FAM53B: variants seen among roughly 807,000 people sequenced by gnomAD.
FAM53B encodes the protein protein FAM53B.
A neutral mutation model predicts 32.7 loss-of-function variants in FAM53B; 12 were observed. The observed-to-expected ratio is 0.37, with a 90% CI of 0.24 to 0.59. The LOEUF (loss-of-function observed/expected upper bound fraction) is 0.59, where lower values mean the gene tolerates loss of function less well. Ranked by LOEUF, FAM53B falls within the 20% of genes least tolerant of loss-of-function variation. FAM53B has a pLI of 0.72. For missense variants in FAM53B, 477 were observed against 577.7 expected, an observed-to-expected ratio of 0.83 and a Z score of 1.79; for synonymous variants, 234 against 228.7, an observed-to-expected ratio of 1.02 and a Z score of -0.21.
intron 1 of FAM53B, chr10:124,713,723 T>C (rs1950020391): frequency 6.6e-6 from 1 of 152,234 alleles, no homozygotes; most frequent in Non-Finnish European, 1.5e-5. Context: ...TCTTTTAGTG[T>C]CTTTATTTAG....
intron 4 of FAM53B, among the ~76,000 whole-genome samples, chr10:124,659,144 T>C (rs528637953): frequency 6.6e-6 from 1 of 152,354 alleles, no homozygotes; most frequent in South Asian, 2.1e-4. Context: ...GAGCTCAGTG[T>C]ACACTGACAG....
intron 4 of FAM53B, among the ~76,000 whole-genome samples, chr10:124,637,504 T>C (rs1328759495): frequency 6.6e-6 from 1 of 151,892 alleles, no homozygotes; most frequent in Non-Finnish European, 1.5e-5. Flanking sequence ...AACTCAGACC[T>C]GTACTGCTGA....
In FAM53B at chr10:124,709,578, G is replaced by A. The variant is rs139271428; in HGVS notation, c.-174-2691C>T. ...GCAGGCAGAAAGGGGGACATTCATCGGAGGTAGGCCTTAAAGTGACTCCTT... is the reference window on the plus strand; with the variant it reads ...GCAGGCAGAAAGGGGGACATTCATCAGAGGTAGGCCTTAAAGTGACTCCTT... On this transcript the variant is annotated intron_variant, in intron 1 of 4. Coordinates refer to ENST00000337318, the MANE Select transcript of FAM53B (RefSeq NM_014661.4). Among the ~76,000 whole-genome samples the A allele has an allele frequency of 3.4e-3, 513 of 152,304 alleles. 4 individuals carry two copies. Among genetic ancestry groups the A allele is most frequent in the Middle Eastern group, 0.01 (3 of 294 alleles).
intron 1 of FAM53B, among the ~76,000 whole-genome samples, chr10:124,728,354 A>T (rs994128891): frequency 6.6e-6 from 1 of 152,182 alleles, no homozygotes. Context: ...CACCCATTCT[A>T]TGGAGGAAAC....
At chr10:124,725,412 A>G (rs75337453) in intron 1 of FAM53B, among the ~76,000 whole-genome samples, 2 of 96,526 alleles carry the variant, frequency 2.1e-5, no homozygotes, top group African/African-American at 6.2e-5. Context: ...TAAGCACTCT[A>G]TTTCCCACCA....
intron 4 of FAM53B, among the ~76,000 whole-genome samples, chr10:124,657,106 A>ATG (rs1554904638): frequency 1.9e-5 from 2 of 107,058 alleles, no homozygotes; most frequent in East Asian, 2.8e-4. Context: ...ATGTGTATAT[A>ATG]TATGTGTGTG....
chr10:124,722,316 C>T (rs976019384), intron 1 of FAM53B, among the ~76,000 whole-genome samples: 1 of 151,962 alleles, frequency 6.6e-6, no homozygotes, highest in Admixed American at 6.6e-5. Flanking sequence ...AATTATGTGT[C>T]AATTTAAATT....
rs1404873255 is a variant in FAM53B at position 124,682,785 on chromosome 10, A to C, written c.134-406T>G. On this transcript the variant is annotated intron_variant, in intron 3 of 4. Transcript: ENST00000337318. The surrounding 1 kb of genome is among the most constrained non-coding windows in gnomAD (Gnocchi z 5.2). ...GAGAGTCGGGACAAGACATCTGTTA[A>C]GTGCCACCAGGTTCTCTGCAGCTCT... Among the ~76,000 whole-genome samples, 1 of 152,242 alleles carries C rather than the reference A, an allele frequency of 6.6e-6. No individual in the cohort carries two copies. The highest frequency in any genetic ancestry group is 1.5e-5 in the Non-Finnish European group (1 of 68,042).
intron 4 of FAM53B, among the ~76,000 whole-genome samples, chr10:124,669,399 C>T (rs1398033357): frequency 2.0e-5 from 3 of 152,200 alleles, no homozygotes; most frequent in South Asian, 4.1e-4. Flanking sequence ...TCTCTCTGAG[C>T]CCCGTGCCCG....
intron 4 of FAM53B, among the ~76,000 whole-genome samples, chr10:124,634,769 G>A (rs1328711348): frequency 1.3e-5 from 2 of 152,346 alleles, no homozygotes; most frequent in South Asian, 2.1e-4. Flanking sequence ...GCTGGGAGTG[G>A]TGGTGGCTGA....
At chr10:124,690,068 C>T (rs976206285) in intron 3 of FAM53B, among the ~76,000 whole-genome samples, 5 of 152,228 alleles carry the variant, frequency 3.3e-5, no homozygotes, top group African/African-American at 4.8e-5. Flanking sequence ...GCAAGTGAAA[C>T]GGGCAGCTGC....
intron 4 of FAM53B, among the ~76,000 whole-genome samples, chr10:124,677,070 T>C (rs953351544): frequency 7.2e-5 from 11 of 151,938 alleles, no homozygotes; most frequent in African/African-American, 2.4e-4. Flanking sequence ...CAGCTTGGAG[T>C]TAAAAATACA....
intron 4 of FAM53B, among the ~76,000 whole-genome samples, chr10:124,658,247 C>T (rs1472935161): frequency 6.6e-6 from 1 of 152,194 alleles, no homozygotes. Flanking sequence ...TTGGCAAATG[C>T]GGAGGCCTCT....
At chr10:124,663,557 A>G (rs531903246) in intron 4 of FAM53B, among the ~76,000 whole-genome samples, 167 of 152,286 alleles carry the variant, frequency 1.1e-3, no homozygotes, top group African/African-American at 3.9e-3. Context: ...AGCACTTTCC[A>G]TATTGAAGGA....
chr10:124,740,201 T>C (rs551741881), intron 1 of FAM53B, among the ~76,000 whole-genome samples: 85 of 152,294 alleles, frequency 5.6e-4, no homozygotes, highest in African/African-American at 2.0e-3. Context: ...GAGTTCTCCC[T>C]GACCTAAGTT....
chr10:124,675,471 CGGGCTTTCTTTGTTCATCAAAGCT>C (rs1002034219), intron 4 of FAM53B, among the ~76,000 whole-genome samples: 1 of 152,168 alleles, frequency 6.6e-6, no homozygotes, highest in African/African-American at 2.4e-5. Context: ...GCAGCAGGCC[CGGGCTTTCTTTGTTCATCAAAGCT>C]GGCATTTGCT....
intron 1 of FAM53B, among the ~76,000 whole-genome samples, chr10:124,723,564 A>G (rs1950083373): frequency 1.3e-5 from 2 of 152,238 alleles, no homozygotes; most frequent in South Asian, 4.1e-4. Context: ...GAGGGTGGCC[A>G]GCAGCCCTCT....
At position 124,744,358 on chromosome 10, in the gene FAM53B, G is replaced by C. The variant is rs1046302471; in HGVS notation, c.-520C>G. On this transcript the variant is annotated 5_prime_UTR_variant, in exon 1 of 5. Transcript: ENST00000337318. ...CAGGAGGCAGGCGGCGTGCGGCGGC[G>C]GCGGCAGGCGAGTGTGCAGTGCGCG... 3 of 148,148 alleles carry C rather than the reference G, an allele frequency of 2.0e-5. No individual in the cohort carries two copies. The highest frequency in any genetic ancestry group is 1.4e-4 in the Admixed American group (2 of 14,776). 9.2% of individuals were successfully genotyped at this position (148,148 alleles called of 1,614,324 possible).
chr10:124,641,992 G>A (rs1310968753), intron 4 of FAM53B, among the ~76,000 whole-genome samples: 1 of 152,232 alleles, frequency 6.6e-6, no homozygotes, highest in African/African-American at 2.4e-5. Flanking sequence ...CCCAGCTGGA[G>A]AGCCGGAAGC....
Sources: allele counts gnomAD v4.1 joint callset (sites outside exome capture counted in the v4.1 genomes callset), GRCh38; gene constraint gnomAD v4.1.1; non-coding constraint Gnocchi (gnomAD v3.1); transcripts MANE v1.5; gene names NCBI Gene and HGNC (gene_info 2026-07-23, HGNC 2026-07-21).